ARMC8: variants seen among roughly 807,000 people sequenced by gnomAD.
ARMC8 encodes armadillo repeat-containing protein 8.
In ARMC8, 20 loss-of-function variants were observed where a neutral mutation model predicts 99.3. The ratio of observed to expected loss-of-function variants is 0.20; its 90% CI spans 0.14 to 0.29. The LOEUF is 0.29. ARMC8 is among the 10% of genes least tolerant of loss of function. The pLI is 1.00. For synonymous variants in ARMC8, 263 were observed against 278.3 expected, an observed-to-expected ratio of 0.95 and a Z score of 0.55; for missense variants, 569 against 809.5, an observed-to-expected ratio of 0.70 and a Z score of 3.60.
At chr3:138,224,323 T>C (rs1398585138) in intron 5 of ARMC8, among the ~76,000 whole-genome samples, 1 of 152,224 alleles carries the variant, frequency 6.6e-6, no homozygotes, top group East Asian at 1.9e-4. Context: ...CTCATGCCTA[T>C]AGTCCTAGCT....
intron 12 of ARMC8, among the ~76,000 whole-genome samples, chr3:138,252,734 G>A (rs1352306500): frequency 1.3e-5 from 1 of 75,110 alleles, no homozygotes; most frequent in African/African-American, 4.5e-5. Context: ...GATTACAGGC[G>A]TGAGCCACCC....
At chr3:138,226,804 G>A (rs547695450) in intron 5 of ARMC8, among the ~76,000 whole-genome samples, 4 of 152,196 alleles carry the variant, frequency 2.6e-5, no homozygotes, top group South Asian at 4.1e-4. Context: ...TGCACCATTT[G>A]GAAAATTCTG....
rs1209652448 is a variant in ARMC8, at chr3:138,297,760, T to G, written c.*1868T>G. On this transcript the variant is annotated 3_prime_UTR_variant, in exon 22 of 22. Transcript: ENST00000469044. ...GAAACCCAGTTAAAAGAAAACTTAG[T>G]TTATTGGGAAGAAAGCCTCAGGCCC... 6.6e-6 allele frequency: 1 copy of G among 152,204 alleles called. No homozygotes were observed. Among genetic ancestry groups the G allele is most frequent in the African/African-American group, 2.4e-5 (1 of 41,448 alleles). The allele number at this position is 152,204 out of a possible 1,614,324, so 9.4% of individuals were successfully genotyped here.
At chr3:138,263,391 G>C (rs1358603642) in intron 12 of ARMC8, 1 of 235,896 alleles carries the variant, frequency 4.2e-6, no homozygotes, top group Non-Finnish European at 8.4e-6. Context: ...ACTCTGGAAG[G>C]AACCTGCCCA....
chr3:138,234,767 T>C (rs1192179433), intron 6 of ARMC8, among the ~76,000 whole-genome samples: 1 of 152,226 alleles, frequency 6.6e-6, no homozygotes, highest in Non-Finnish European at 1.5e-5. Flanking sequence ...AGAGGACTTG[T>C]GCCAACATAG....
At chr3:138,192,586 T>C (rs1278691091) in intron 1 of ARMC8, among the ~76,000 whole-genome samples, 1 of 152,160 alleles carries the variant, frequency 6.6e-6, no homozygotes, top group Non-Finnish European at 1.5e-5. Context: ...AGTCTTGCAC[T>C]GTCACCTAGG....
At chr3:138,227,143 AG>A (rs1338090742) in intron 5 of ARMC8, among the ~76,000 whole-genome samples, 2 of 152,230 alleles carry the variant, frequency 1.3e-5, no homozygotes, top group Non-Finnish European at 2.9e-5. Flanking sequence ...TGTGTTTATC[AG>A]ATGGGTGATT....
intron 1 of ARMC8, among the ~76,000 whole-genome samples, chr3:138,190,113 TACTGTCTTTAATGTCTTAC>T (rs1477383070): frequency 6.6e-6 from 1 of 152,146 alleles, no homozygotes; most frequent in Non-Finnish European, 1.5e-5. Flanking sequence ...TAATTATTTT[TACTGTCTTTAATGTCTTAC>T]ACTCTCAGTG....
At chr3:138,215,541 C>T (rs879828964) in intron 2 of ARMC8, among the ~76,000 whole-genome samples, 27 of 152,164 alleles carry the variant, frequency 1.8e-4, no homozygotes, top group Admixed American at 6.5e-4. Context: ...ATGTATAAAG[C>T]GCTTAACTGC....
rs571652129 is a variant in ARMC8 at position 138,220,808 on chromosome 3, G to T, written c.123-1118G>T. Among the ~76,000 whole-genome samples, 337 of 150,710 alleles carry T rather than the reference G, an allele frequency of 2.2e-3. 2 individuals are homozygous for T. Among genetic ancestry groups the T allele is most frequent in the African/African-American group, 8.0e-3 (327 of 40,950 alleles). On this transcript the variant is annotated intron_variant, in intron 2 of 21. Transcript: ENST00000469044. ...CAGCTGAAGTGATCCTCCTACCTTA[G>T]CCCCCCAGGTAGCTGGGACCACAAG...
intron 12 of ARMC8, among the ~76,000 whole-genome samples, chr3:138,248,872 C>T (rs1253411164): frequency 1.3e-5 from 2 of 152,158 alleles, no homozygotes; most frequent in Admixed American, 6.5e-5. Context: ...AAACACATTG[C>T]AAATGTTAAG....
intron 10 of ARMC8, among the ~76,000 whole-genome samples, chr3:138,240,987 T>A (rs1441147167): frequency 6.6e-6 from 1 of 152,096 alleles, no homozygotes; most frequent in Non-Finnish European, 1.5e-5. Flanking sequence ...GAGGCAGAGG[T>A]TGCAGTGAGC....
chr3:138,290,150 A>G, intron 20 of ARMC8, among the ~76,000 whole-genome samples: 1 of 152,336 alleles, frequency 6.6e-6, no homozygotes, highest in South Asian at 2.1e-4. Flanking sequence ...AAAGGGGAAG[A>G]TAAGACCTGC....
At chr3:138,282,602 A>C (rs1199582862) in intron 18 of ARMC8, among the ~76,000 whole-genome samples, 9 of 145,518 alleles carry the variant, frequency 6.2e-5, no homozygotes, top group Admixed American at 5.8e-4. Context: ...GCCCAGATGC[A>C]CTCTAGCCTG....
intron 12 of ARMC8, among the ~76,000 whole-genome samples, chr3:138,252,762 C>CCA (rs2047203285): frequency 1.8e-5 from 1 of 56,096 alleles, no homozygotes; most frequent in African/African-American, 4.9e-5. Flanking sequence ...CCCCCCCCCC[C>CCA]ACCCGGCCTA....
rs1271704297 is a variant in ARMC8 at position 138,274,618 on chromosome 3, A to G, written c.1725+74A>G. ...AGGAAGTTCTTAAGAGTCTCCTGAA[A>G]TATTCAAATCTGCAGAAGACAGAGT... On this transcript the variant is annotated intron_variant, in intron 18 of 21. Coordinates refer to ENST00000469044, the MANE Select transcript of ARMC8 (RefSeq NM_001363941.2). 3 of 1,113,570 alleles carry G rather than the reference A, an allele frequency of 2.7e-6. No homozygotes were observed. In the Admixed American group the frequency reaches 5.7e-5, roughly 21 times the overall value. 69.0% of individuals were successfully genotyped at this position (1,113,570 alleles called of 1,614,324 possible). A position where few individuals can be genotyped will look rare whatever the true frequency, so the allele number is the denominator to read the frequency against.
In ARMC8 at chr3:138,295,962, T is replaced by G; in HGVS notation, c.*70T>G. On this transcript the variant is annotated 3_prime_UTR_variant, in exon 22 of 22. Coordinates refer to ENST00000469044, the MANE Select transcript of ARMC8 (RefSeq NM_001363941.2). Reference sequence around the variant, plus strand: ...AAGGAAGTACAGGAACCAGCCTCATTTGATTCCTTCTATTTGCACAAGTCA... The same window carrying G: ...AAGGAAGTACAGGAACCAGCCTCATGTGATTCCTTCTATTTGCACAAGTCA... 1 of 1,536,042 alleles carries G rather than the reference T, an allele frequency of 6.5e-7. No individual in the cohort carries two copies. The highest frequency in any genetic ancestry group is 8.9e-7 in the Non-Finnish European group (1 of 1,120,834).
chr3:138,293,371 C>G (rs925463034), intron 21 of ARMC8, among the ~76,000 whole-genome samples: 1 of 152,146 alleles, frequency 6.6e-6, no homozygotes. Context: ...GAAACCCCGT[C>G]TCTACTAAAC....
chr3:138,228,390 G>C (rs541034824), intron 5 of ARMC8, among the ~76,000 whole-genome samples: 1 of 152,312 alleles, frequency 6.6e-6, no homozygotes, highest in Non-Finnish European at 1.5e-5. Context: ...AATAGGCAGA[G>C]AGTGGGCTGT....
Sources: gnomAD v4.1 joint callset for allele counts (sites outside exome capture counted in the v4.1 genomes callset) on GRCh38, gnomAD v4.1.1 for gene constraint, MANE v1.5 for transcripts, NCBI Gene and HGNC (gene_info 2026-07-23, HGNC 2026-07-21) for gene names.